KCNQ4: variants seen among roughly 807,000 people sequenced by gnomAD.
KCNQ4 encodes potassium voltage-gated channel subfamily KQT member 4.
Under a neutral mutation model 72.6 loss-of-function variants are expected in KCNQ4, and 31 were observed. The ratio of observed to expected loss-of-function variants is 0.43; its 90% confidence interval spans 0.32 to 0.58. The LOEUF (loss-of-function observed/expected upper bound fraction) is 0.58, where lower values mean the gene tolerates loss of function less well. KCNQ4 is among the 20% of genes least tolerant of loss of function. The pLI, the probability that KCNQ4 is intolerant of heterozygous loss-of-function variation, is 0.08. For missense variants in KCNQ4, 869 were observed against 962.6 expected (o/e 0.90, Z 1.29); for synonymous variants, 405 against 403.7 (o/e 1.00, Z -0.04).
rs1387954616 is a variant in KCNQ4 at position 40,824,121 on chromosome 1, C to T, written c.1155C>T (p.His385=). 46 of 1,556,956 alleles carry T rather than the reference C, an allele frequency of 3.0e-5. No individual in the cohort carries two copies. Among genetic ancestry groups the T allele is most frequent in the Non-Finnish European group, 3.7e-5 (43 of 1,150,862 alleles). The change falls in exon 9 of 14, where the codon CAC becomes CAT. Residue 385 remains histidine, a synonymous_variant. Transcript: ENST00000347132. ...GAGAGCTGGCCCTCTTGTTTGAGCA[C>T]GTGCAACGGGCCCGCAATGGGGGCC... ...SFRELALLFE[H]VQRARNGGLR...
chr1:40,797,547 T>C (rs1228000847), intron 1 of KCNQ4, among the ~76,000 whole-genome samples: 2 of 151,374 alleles, frequency 1.3e-5, no homozygotes, highest in African/African-American at 4.9e-5. Flanking sequence ...CCTGAGAGGG[T>C]GATGGGAAGG....
chr1:40,833,143 C>T (rs767917852), intron 11 of KCNQ4, 30 bp downstream of exon 11: 22 of 1,515,576 alleles, frequency 1.5e-5, no homozygotes, highest in Middle Eastern at 1.7e-4. Flanking sequence ...CGAGCACCCC[C>T]CTCCGTGTGC....
intron 10 of KCNQ4, among the ~76,000 whole-genome samples, chr1:40,832,686 C>T (rs1648685219): frequency 6.6e-6 from 1 of 152,214 alleles, no homozygotes; most frequent in Admixed American, 6.5e-5. Context: ...CACTGTTCTG[C>T]AAGGTGGAAC....
chr1:40,833,833 CAAAAAAA>C (rs200163500), intron 11 of KCNQ4, among the ~76,000 whole-genome samples: 2 of 100,694 alleles, frequency 2.0e-5, no homozygotes, highest in Admixed American at 2.2e-4. Flanking sequence ...CTTGTCTTTG[CAAAAAAA>C]AAAAAAAAAA....
chr1:40,797,615 G>A (rs760734945), intron 1 of KCNQ4, among the ~76,000 whole-genome samples: 23 of 152,148 alleles, frequency 1.5e-4, no homozygotes, highest in Non-Finnish European at 2.8e-4. Flanking sequence ...TTCTGGGACT[G>A]GCGAGGAGGA....
intron 7 of KCNQ4, among the ~76,000 whole-genome samples, chr1:40,821,855 G>T (rs181189265): frequency 6.6e-6 from 1 of 152,268 alleles, no homozygotes; most frequent in African/African-American, 2.4e-5. Flanking sequence ...AGAGGAACCT[G>T]GCATGAAGTG....
At chr1:40,819,619 C>A in intron 5 of KCNQ4, 147 bp downstream of exon 5, 1 of 1,100,462 alleles carries the variant, frequency 9.1e-7, no homozygotes, top group Non-Finnish European at 1.3e-6. Context: ...TGAGACCAGC[C>A]CCAATGCTAA....
intron 7 of KCNQ4, 71 bp from the exon 8 acceptor site, chr1:40,822,243 C>T: frequency 1.5e-6 from 2 of 1,303,488 alleles, no homozygotes; most frequent in Non-Finnish European, 2.2e-6. Flanking sequence ...TGGGTTCTTT[C>T]AGGGGAGAGG....
rs560643292 is a variant in KCNQ4, at chr1:40,836,158, G to C, written c.1745+1060G>C. ...ATGAGAACCTGCTTCAGACTTCCAC[G>C]CATGAGACCGTGGGGACTTGGAACA... is the stretch of plus-strand genomic sequence containing the variant. On this transcript the variant is annotated intron_variant, in intron 12 of 13. Coordinates refer to ENST00000347132, the MANE Select transcript of KCNQ4 (RefSeq NM_004700.4). Among the ~76,000 whole-genome samples, 5 of 152,314 alleles carry C rather than the reference G, an allele frequency of 3.3e-5. No homozygotes were observed. In the South Asian group the frequency reaches 1.0e-3, roughly 32 times the overall value.
chr1:40,796,379 G>A (rs775526176), intron 1 of KCNQ4, among the ~76,000 whole-genome samples: 10 of 152,090 alleles, frequency 6.6e-5, no homozygotes, highest in African/African-American at 9.7e-5. Context: ...AGCTTGCCAC[G>A]CCTTCTATCA....
chr1:40,833,677 A>C (rs916298170), intron 11 of KCNQ4, among the ~76,000 whole-genome samples: 1 of 151,744 alleles, frequency 6.6e-6, no homozygotes, highest in Admixed American at 6.6e-5. Flanking sequence ...ACCTGCCCAC[A>C]AGCCTCTTTT....
At chr1:40,835,871 T>C (rs932269188) in intron 12 of KCNQ4, among the ~76,000 whole-genome samples, 2 of 152,170 alleles carry the variant, frequency 1.3e-5, no homozygotes, top group African/African-American at 2.4e-5. Context: ...GGCTGGAGTG[T>C]TGGCTTCAGC....
chr1:40,835,236 C>A, intron 12 of KCNQ4, 138 bp downstream of exon 12: 2 of 1,135,822 alleles, frequency 1.8e-6, no homozygotes, highest in Non-Finnish European at 2.5e-6. Flanking sequence ...AGGTCCCTGG[C>A]TTGCAGTGCC....
At position 40,838,730 on chromosome 1, in the gene KCNQ4, G is replaced by A; in HGVS notation, c.*207G>A. On this transcript the variant is annotated 3_prime_UTR_variant, in exon 14 of 14. Coordinates refer to ENST00000347132, the MANE Select transcript of KCNQ4 (RefSeq NM_004700.4). ...CCACCTCAGGAGCGTGAGATGCCAG[G>A]TCGCACAGAGGGCAGCAGCAGCGGC... 1.6e-6 allele frequency: 1 copy of A among 621,256 alleles called. No individual in the cohort carries two copies. The highest frequency in any genetic ancestry group is 1.9e-5 in the South Asian group (1 of 53,954). 38.5% of individuals were successfully genotyped at this position (621,256 alleles called of 1,614,324 possible). A position where few individuals can be genotyped will look rare whatever the true frequency, so the allele number is the denominator to read the frequency against.
chr1:40,826,164 CGGTT>C (rs1453257827), intron 9 of KCNQ4, among the ~76,000 whole-genome samples: 3 of 152,350 alleles, frequency 2.0e-5, no homozygotes, highest in African/African-American at 7.2e-5. Flanking sequence ...TATACACACT[CGGTT>C]GGCCACACCT....
At chr1:40,819,191 C>T (rs1648201304) in intron 4 of KCNQ4, among the ~76,000 whole-genome samples, 156 bp from the exon 5 acceptor site, 1 of 150,974 alleles carries the variant, frequency 6.6e-6, no homozygotes. Context: ...TCGCGAAGGC[C>T]GGGGCAGGGT....
chr1:40,821,113 G>A (rs941202656), intron 7 of KCNQ4, among the ~76,000 whole-genome samples: 5 of 152,180 alleles, frequency 3.3e-5, no homozygotes, highest in South Asian at 2.1e-4. Context: ...TCTTCTTAGC[G>A]TCCCTTGGGG....
At position 40,784,274 on chromosome 1, in the gene KCNQ4, C is replaced by CCGGGCTCCGGCT. The variant is rs781081834; in HGVS notation, c.191_202dup (p.Gly64_Ser67dup). On this transcript the variant is annotated inframe_insertion, in exon 1 of 14. Coordinates refer to ENST00000347132, the MANE Select transcript of KCNQ4 (RefSeq NM_004700.4). This position sits in a 1 kb window ranked among gnomAD's most constrained non-coding sequence, Gnocchi z 4.1. ...GCCGCCGGGCGCGCCCCTCCCTGGGCCGGGCTCCGGCTCGGGCTCCGCCTG... is the reference window on the plus strand; with the variant it reads ...GCCGCCGGGCGCGCCCCTCCCTGGGCCGGGCTCCGGCTCGGGCTCCGGCTCGGGCTCCGCCTG... 4.3e-5 allele frequency: 66 copies of CCGGGCTCCGGCT among 1,528,296 alleles called. No individual in the cohort carries two copies. In the South Asian group the frequency reaches 6.8e-4, roughly 16 times the overall value. 94.7% of individuals were successfully genotyped at this position (1,528,296 alleles called of 1,614,324 possible). A position where few individuals can be genotyped will look rare whatever the true frequency, so the allele number is the denominator to read the frequency against.
In KCNQ4 at chr1:40,784,501, C is replaced by T. The variant is rs1279005977; in HGVS notation, c.314+94C>T. On this transcript the variant is annotated intron_variant, in intron 1 of 13. Transcript: ENST00000347132. This position sits in a 1 kb window ranked among gnomAD's most constrained non-coding sequence, Gnocchi z 4.1. ...CCGCCCTGGCTCCGCCTTCTACCCC[C>T]CTGCCTCAGGGCCGACCCTCATCTC... The T allele has an allele frequency of 2.1e-5, 26 of 1,266,494 alleles. 1 individual carries two copies. Among genetic ancestry groups the T allele is most frequent in the South Asian group, 7.2e-5 (6 of 83,568 alleles). The allele number at this position is 1,266,494 out of a possible 1,614,324, so 78.5% of individuals were successfully genotyped here.
Sources: gnomAD v4.1 joint callset for allele counts (sites outside exome capture counted in the v4.1 genomes callset) on GRCh38, gnomAD v4.1.1 for gene constraint, Gnocchi (gnomAD v3.1) non-coding constraint, MANE v1.5 for transcripts, NCBI Gene and HGNC (gene_info 2026-07-23, HGNC 2026-07-21) for gene names.